Variants in TTC6 observed in about 807,000 individuals in gnomAD.
TTC6 encodes tetratricopeptide repeat domain 6.
TTC6 carries 172 observed loss-of-function variants against 210.4 expected under a neutral mutation model. That is an observed-to-expected ratio of 0.82 (90% CI 0.72 to 0.93). The LOEUF (loss-of-function observed/expected upper bound fraction) is 0.93. Ranked by LOEUF, TTC6 falls within the 40% of genes least tolerant of loss-of-function variation. The probability of loss-of-function intolerance (pLI) is 0.00; values close to 1 mark genes in which losing one functional copy is unlikely to be tolerated. For missense variants in TTC6, 2,414 were observed against 2,318.1 expected, an observed-to-expected ratio of 1.04 and a Z score of -0.85; for synonymous variants, 804 against 819.6, an observed-to-expected ratio of 0.98 and a Z score of 0.32.
chr14:37,725,979 A>G (rs1254612547), intron 7 of TTC6, among the ~76,000 whole-genome samples: 1 of 152,192 alleles, frequency 6.6e-6, no homozygotes, highest in African/African-American at 2.4e-5. Context: ...AAATAAAACA[A>G]AATAACCTAT....
At chr14:37,621,876 G>A (rs2095651632), upstream of TTC6, among the ~76,000 whole-genome samples, 1 of 151,992 alleles carries the variant, frequency 6.6e-6, no homozygotes, top group Non-Finnish European at 1.5e-5. Context: ...TTGTGAAAGG[G>A]CCAATAGGTG....
intron 16 of TTC6, among the ~76,000 whole-genome samples, chr14:37,791,362 C>T (rs1257735191): frequency 6.6e-6 from 1 of 152,120 alleles, no homozygotes; most frequent in Non-Finnish European, 1.5e-5. Context: ...GTTAAATGCA[C>T]TAGTCAGAAA....
chr14:37,817,242 T>C lies in TTC6; in HGVS notation c.4690-336T>C, dbSNP rs76076308. ...AGAGGAGTTCACTGGGAATAAACAA[T>C]AGAAAGAAAGTAAATGAGATAGATA... On this transcript the variant is annotated intron_variant, in intron 25 of 30. Coordinates refer to ENST00000553443, the Ensembl canonical transcript of TTC6. Among the ~76,000 whole-genome samples, 71 of 152,136 alleles carry C rather than the reference T, an allele frequency of 4.7e-4. No homozygotes were observed. The East Asian group carries it at 0.011, about 24-fold the overall frequency.
At chr14:37,700,572 A>G (rs549532459) in intron 4 of TTC6, among the ~76,000 whole-genome samples, 1 of 151,878 alleles carries the variant, frequency 6.6e-6, no homozygotes, top group Non-Finnish European at 1.5e-5. Flanking sequence ...GGGAAACCCC[A>G]TCTCTACTAA....
At chr14:37,810,822 C>T (rs979868232) in intron 24 of TTC6, among the ~76,000 whole-genome samples, 5 of 152,174 alleles carry the variant, frequency 3.3e-5, no homozygotes, top group Non-Finnish European at 7.3e-5. Context: ...CTGGTTCTAA[C>T]ACTTTATATT....
At chr14:37,770,505 T>C (rs1351634891) in intron 14 of TTC6, among the ~76,000 whole-genome samples, 1 of 151,486 alleles carries the variant, frequency 6.6e-6, no homozygotes, top group East Asian at 1.9e-4. Context: ...GGTGCATATA[T>C]ATTTAGGATA....
chr14:37,637,193 T>G (rs2095682634), intron 1 of TTC6, among the ~76,000 whole-genome samples: 4 of 152,146 alleles, frequency 2.6e-5, no homozygotes, highest in Admixed American at 2.0e-4. Flanking sequence ...CTCATGGACT[T>G]AAATGTAAAA....
intron 20 of TTC6, chr14:37,801,989 C>G (rs1470282254): frequency 6.6e-6 from 1 of 152,144 alleles, no homozygotes; most frequent in African/African-American, 2.4e-5. Context: ...GATACGGAAT[C>G]AACTCAAATG....
chr14:37,749,669 C>T lies in TTC6; in HGVS notation c.2827-45C>T, dbSNP rs766196629. Reference sequence around the variant, plus strand: ...AAAATTTATTTGATAGGATATCCTCCTTTAACAAATCAACTTTAACTGAAT... The same window carrying T: ...AAAATTTATTTGATAGGATATCCTCTTTTAACAAATCAACTTTAACTGAAT... On this transcript the variant is annotated intron_variant, in intron 11 of 30. Transcript: ENST00000553443. 4.0e-6 allele frequency: 5 copies of T among 1,265,802 alleles called. No homozygotes were observed. In the South Asian group the frequency reaches 1.2e-4, roughly 31 times the overall value. 78.4% of individuals were successfully genotyped at this position (1,265,802 alleles called of 1,614,324 possible). A position where few individuals can be genotyped will look rare whatever the true frequency, so the allele number is the denominator to read the frequency against.
chr14:37,794,374 A>G (rs560452331), intron 17 of TTC6, among the ~76,000 whole-genome samples: 7 of 152,250 alleles, frequency 4.6e-5, no homozygotes, highest in South Asian at 2.1e-4. Context: ...TCCATGCACA[A>G]ATTAGTTTTG....
chr14:37,775,330 T>G (rs1332026965), intron 14 of TTC6, among the ~76,000 whole-genome samples: 1 of 152,182 alleles, frequency 6.6e-6, no homozygotes, highest in Non-Finnish European at 1.5e-5. Context: ...GGTTGTTAAT[T>G]TGGCATCTTC....
intron 5 of TTC6, among the ~76,000 whole-genome samples, chr14:37,712,872 T>G (rs553925035): frequency 5.9e-5 from 9 of 151,990 alleles, no homozygotes; most frequent in African/African-American, 9.7e-5. Context: ...TTAGCTATTT[T>G]AAGCAAAAAG....
intron 23 of TTC6, among the ~76,000 whole-genome samples, chr14:37,808,102 G>A (rs887963126): frequency 2.0e-5 from 3 of 151,958 alleles, no homozygotes; most frequent in Admixed American, 6.6e-5. Context: ...GGTGTGACTG[G>A]CACCATTGAT....
intron 14 of TTC6, among the ~76,000 whole-genome samples, chr14:37,783,609 A>T (rs8021469): frequency 1.3e-5 from 2 of 152,154 alleles, no homozygotes; most frequent in Non-Finnish European, 2.9e-5. Context: ...TTTTTGAAGG[A>T]TTTTTTGTGT....
At chr14:37,750,952 T>A in intron 12 of TTC6, 101 bp from the exon 15 acceptor site, 1 of 654,806 alleles carries the variant, frequency 1.5e-6, no homozygotes, top group Admixed American at 3.6e-5. Context: ...TAGAGAAAAA[T>A]TATTTTGACT....
intron 1 of TTC6, among the ~76,000 whole-genome samples, chr14:37,627,882 G>A (rs781520747): frequency 5.3e-5 from 8 of 152,116 alleles, no homozygotes; most frequent in Admixed American, 1.3e-4. Flanking sequence ...TGTCTTCCAC[G>A]GTGGTTGAAC....
chr14:37,664,652 G>T (rs977958227), intron 1 of TTC6, among the ~76,000 whole-genome samples: 1 of 150,424 alleles, frequency 6.6e-6, no homozygotes, highest in Non-Finnish European at 1.5e-5. Flanking sequence ...TTGACAAATG[G>T]GATCTAATTA....
intron 5 of TTC6, among the ~76,000 whole-genome samples, chr14:37,704,071 G>T (rs947594138): frequency 1.3e-5 from 2 of 152,132 alleles, no homozygotes; most frequent in African/African-American, 4.8e-5. Flanking sequence ...ATTATTTCAT[G>T]ATATTTACTA....
rs1225736159 is a variant in TTC6, at chr14:37,815,886, A to G, written c.4690-1692A>G. On this transcript the variant is annotated intron_variant, in intron 25 of 30. Transcript: ENST00000553443. Reference sequence around the variant, plus strand: ...TGCCTAATTACCATGTAGTATAATAATGATTATATATAGAGAGTCAAGTTC... The same window carrying G: ...TGCCTAATTACCATGTAGTATAATAGTGATTATATATAGAGAGTCAAGTTC... Among the ~76,000 whole-genome samples, 4 of 152,088 alleles carry G rather than the reference A, an allele frequency of 2.6e-5. No individual in the cohort carries two copies. The East Asian group carries it at 7.7e-4, about 29-fold the overall frequency.
Sources: gnomAD v4.1 joint callset for allele counts (sites outside exome capture counted in the v4.1 genomes callset) on GRCh38, gnomAD v4.1.1 for gene constraint, MANE v1.5 for transcripts, NCBI Gene and HGNC (gene_info 2026-07-23, HGNC 2026-07-21) for gene names.